The following NTN1 variants were observed in gnomAD, a reference collection of about 807,000 sequenced individuals.
NTN1 encodes netrin-1.
A neutral mutation model predicts 54.2 loss-of-function variants in NTN1; 11 were observed. The ratio of observed to expected loss-of-function variants is 0.20; its 90% CI spans 0.13 to 0.34. The LOEUF is 0.34. NTN1 is among the 10% of genes least tolerant of loss of function. The pLI, the probability that NTN1 is intolerant of heterozygous loss-of-function variation, is 1.00. For missense variants in NTN1, 740 were observed against 893.1 expected (o/e 0.83, Z 2.18); for synonymous variants, 371 against 382.0 (o/e 0.97, Z 0.33).
intron 2 of NTN1, among the ~76,000 whole-genome samples, chr17:9,100,607 G>A (rs1031090043): frequency 6.6e-6 from 1 of 152,094 alleles, no homozygotes; most frequent in African/African-American, 2.4e-5. Context: ...GGCCTTATCT[G>A]CATATGCATA....
chr17:9,163,999 A>T (rs1484734925), intron 3 of NTN1, among the ~76,000 whole-genome samples: 1 of 152,274 alleles, frequency 6.6e-6, no homozygotes, highest in Non-Finnish European at 1.5e-5. Flanking sequence ...GCCACGGCAG[A>T]CAGGCCCAGG....
chr17:9,116,074 T>C (rs1387749728), intron 2 of NTN1, among the ~76,000 whole-genome samples: 1 of 152,202 alleles, frequency 6.6e-6, no homozygotes, highest in African/African-American at 2.4e-5. Context: ...GTGGGTGTCG[T>C]CATCTTGCTT....
intron 2 of NTN1, among the ~76,000 whole-genome samples, chr17:9,081,688 G>A (rs972849953): frequency 2.0e-5 from 3 of 152,188 alleles, no homozygotes; most frequent in African/African-American, 7.2e-5. Flanking sequence ...TTCACTCCCG[G>A]GAAGAGGAGA....
Position 9,023,131 on chromosome 17 carries a change from G to T in NTN1, c.758G>T (p.Arg253Leu), listed in dbSNP as rs148441765. The T allele has an allele frequency of 3.8e-6, 6 of 1,564,104 alleles. No homozygotes were observed. Among genetic ancestry groups the T allele is most frequent in the East Asian group, 4.7e-5 (2 of 42,198 alleles). ...TATDIRVAFS[R>L]LHTFGDENED... ...ACAGACATCCGCGTGGCCTTCAGCC[G>T]CCTGCACACGTTCGGCGACGAGAAC... The change falls in exon 2 of 7, where the codon CGC becomes CTC. Residue 253 changes from arginine (R) to leucine (L), a missense_variant. Physicochemically the swap from Arg to Leu is moderately radical, Grantham distance 102. Coordinates refer to ENST00000173229, the MANE Select transcript of NTN1 (RefSeq NM_004822.3).
chr17:9,224,452 C>T (rs67738628), intron 6 of NTN1, among the ~76,000 whole-genome samples: 27,204 of 152,190 alleles, frequency 0.18, 2,861 homozygotes, highest in Non-Finnish European at 0.24. Context: ...TCCCTTTGCC[C>T]GACACCCGAC....
chr17:9,101,106 G>A (rs1448104233), intron 2 of NTN1, among the ~76,000 whole-genome samples: 1 of 152,034 alleles, frequency 6.6e-6, no homozygotes, highest in African/African-American at 2.4e-5. Context: ...CCTTATTTGT[G>A]GTGTTTATCA....
chr17:9,028,647 C>G (rs1049216075), intron 2 of NTN1, among the ~76,000 whole-genome samples: 6 of 152,192 alleles, frequency 3.9e-5, no homozygotes, highest in Admixed American at 3.9e-4. Context: ...TGGAAGGAAT[C>G]CCCTCGTTTT....
At position 9,212,376 on chromosome 17, in the gene NTN1, C is replaced by T. The variant is rs1567740231; in HGVS notation, c.1412-8792C>T. ...CGCATGATGGCCCTTATGAAACCCACGGATGCCTGCGGCACCTTGAAAACC... is the reference window on the plus strand; with the variant it reads ...CGCATGATGGCCCTTATGAAACCCATGGATGCCTGCGGCACCTTGAAAACC... On this transcript the variant is annotated intron_variant, in intron 5 of 6. Coordinates refer to ENST00000173229, the MANE Select transcript of NTN1 (RefSeq NM_004822.3). The surrounding 1 kb of genome is among the most constrained non-coding windows in gnomAD (Gnocchi z 5.5). 2.0e-5 allele frequency among the ~76,000 whole-genome samples: 3 copies of T among 152,202 alleles called. No individual in the cohort carries two copies. The highest frequency in any genetic ancestry group is 4.4e-5 in the Non-Finnish European group (3 of 68,046).
At chr17:9,237,739 T>TG (rs531246332) in intron 6 of NTN1, among the ~76,000 whole-genome samples, 97 of 152,258 alleles carry the variant, frequency 6.4e-4, no homozygotes, top group South Asian at 2.3e-3. Flanking sequence ...TCAGGGATGC[T>TG]GGGGGTGGCT....
chr17:9,156,559 G>C (rs1243360642), intron 2 of NTN1, among the ~76,000 whole-genome samples: 1 of 152,202 alleles, frequency 6.6e-6, no homozygotes, highest in Non-Finnish European at 1.5e-5. Flanking sequence ...TTGAGAGTAA[G>C]TTCGCCAGGG....
chr17:9,168,492 A>C (rs1179039198), intron 3 of NTN1, among the ~76,000 whole-genome samples: 1 of 151,844 alleles, frequency 6.6e-6, no homozygotes, highest in African/African-American at 2.4e-5. Flanking sequence ...AGATTGCGCC[A>C]TTGCACTCCA....
At chr17:9,109,159 G>A (rs1252909067) in intron 2 of NTN1, among the ~76,000 whole-genome samples, 2 of 152,220 alleles carry the variant, frequency 1.3e-5, no homozygotes, top group Non-Finnish European at 2.9e-5. Flanking sequence ...ACAGGCGTGA[G>A]GCACAGTGCC....
intron 4 of NTN1, among the ~76,000 whole-genome samples, chr17:9,181,908 C>T (rs1283018291): frequency 5.9e-5 from 9 of 152,276 alleles, no homozygotes; most frequent in Middle Eastern, 3.4e-3. Context: ...CTGGCTGAAC[C>T]GCCTCTCTTT....
intron 5 of NTN1, among the ~76,000 whole-genome samples, chr17:9,214,871 T>C (rs766265595): frequency 7.9e-5 from 12 of 152,218 alleles, no homozygotes; most frequent in Non-Finnish European, 1.8e-4. Flanking sequence ...CAGTACTCTG[T>C]TTTAAATTCA....
At chr17:9,095,568 A>G (rs2092128777) in intron 2 of NTN1, among the ~76,000 whole-genome samples, 1 of 152,212 alleles carries the variant, frequency 6.6e-6, no homozygotes, top group South Asian at 2.1e-4. Flanking sequence ...GTCCAATGAT[A>G]CACATCTGTG....
chr17:9,018,701 C>T (rs1422337386), upstream of NTN1, among the ~76,000 whole-genome samples: 1 of 151,178 alleles, frequency 6.6e-6, no homozygotes, highest in Non-Finnish European at 1.5e-5. Context: ...CTTCTCAATC[C>T]AGTCTTGTAG....
At chr17:9,202,985 G>A (rs1001256818) in intron 5 of NTN1, among the ~76,000 whole-genome samples, 33 of 152,146 alleles carry the variant, frequency 2.2e-4, no homozygotes, top group Middle Eastern at 3.4e-3. Context: ...GCAGTGGCGC[G>A]ATCTCCGCTC....
chr17:9,113,905 G>A (rs924972957), intron 2 of NTN1, among the ~76,000 whole-genome samples: 2 of 151,916 alleles, frequency 1.3e-5, no homozygotes, highest in African/African-American at 2.4e-5. Context: ...GCTCACGCCT[G>A]TAATCCCAGC....
upstream of NTN1, among the ~76,000 whole-genome samples, chr17:9,019,496 C>A (rs1241328557): frequency 6.6e-6 from 1 of 152,196 alleles, no homozygotes. Context: ...TGGTTTTATG[C>A]ATATTTACAT....
Sources: gnomAD v4.1 joint callset for allele counts (sites outside exome capture counted in the v4.1 genomes callset) on GRCh38, gnomAD v4.1.1 for gene constraint, Gnocchi (gnomAD v3.1) non-coding constraint, MANE v1.5 for transcripts, NCBI Gene and HGNC (gene_info 2026-07-23, HGNC 2026-07-21) for gene names.